ALG6: variants seen among roughly 807,000 people sequenced by gnomAD.
ALG6 encodes the protein dolichyl pyrophosphate Man9GlcNAc2 alpha-1,3-glucosyltransferase.
In ALG6, 46 loss-of-function variants were observed where a neutral mutation model predicts 66.6. The ratio of observed to expected loss-of-function variants is 0.69; its 90% CI spans 0.55 to 0.88. ALG6 has a LOEUF of 0.88. Among genes scored for constraint, ALG6 ranks in the 40% least tolerant of loss-of-function variants. ALG6 has a pLI of 0.00. For synonymous variants in ALG6, 185 were observed against 203.7 expected (o/e 0.91, Z 0.78); for missense variants, 505 against 586.8 (o/e 0.86, Z 1.44).
intron 12 of ALG6, among the ~76,000 whole-genome samples, chr1:63,422,409 A>C (rs185933948): frequency 1.3e-4 from 2 of 15,284 alleles, no homozygotes; most frequent in Non-Finnish European, 2.1e-4. Context: ...ATCTATATAA[A>C]TATAAATATA....
rs188912870 is a variant in ALG6, at chr1:63,433,053, C to G, written c.1327-3770C>G. ...AACCTCCTGGGTTTATGCAATTCTT[C>G]TGCCTCAGCCTCCTGAGTAGCTGGG... On this transcript the variant is annotated intron_variant, in intron 14 of 14. Transcript: ENST00000263440. The surrounding 1 kb of genome is among the most constrained non-coding windows in gnomAD (Gnocchi z 4.2). Among the ~76,000 whole-genome samples, 746 of 152,332 alleles carry G rather than the reference C, an allele frequency of 4.9e-3. 1 individual carries two copies. The highest frequency in any genetic ancestry group is 6.9e-3 in the Non-Finnish European group (469 of 68,032).
intron 12 of ALG6, among the ~76,000 whole-genome samples, chr1:63,422,329 A>G (rs1644587526): frequency 8.6e-6 from 1 of 115,634 alleles, no homozygotes; most frequent in South Asian, 2.3e-4. Context: ...ATGAATATAT[A>G]TCTATAGGAA....
chr1:63,370,473 A>G (rs1038329876), intron 1 of ALG6, among the ~76,000 whole-genome samples: 6 of 152,164 alleles, frequency 3.9e-5, no homozygotes, highest in African/African-American at 1.4e-4. Flanking sequence ...AATAGAATTG[A>G]CTGTGTCATT....
Position 63,436,915 on chromosome 1 carries a change from G to A in ALG6, c.1419G>A (p.Leu473=). The A allele has an allele frequency of 6.2e-7, 1 of 1,613,662 alleles. No homozygotes were observed. The highest frequency in any genetic ancestry group is 1.1e-5 in the South Asian group (1 of 91,072). Residue 473 remains leucine (L), a synonymous_variant, in exon 15 of 15, where the codon TTG becomes TTA. Coordinates refer to ENST00000263440, the MANE Select transcript of ALG6 (RefSeq NM_013339.4). ...PQKLPDLFSV[L]VCFVSCLNFL... ...AACTACCGGACTTGTTTTCTGTATT[G>A]GTGTGTTTTGTATCTTGCTTGAACT...
At chr1:63,406,956 T>C in intron 6 of ALG6, 106 bp from the exon 7 acceptor site, 1 of 828,620 alleles carries the variant, frequency 1.2e-6, no homozygotes, top group Non-Finnish European at 2.1e-6. Context: ...GTGACACCTC[T>C]GGAAAAGGGG....
chr1:63,373,132 A>G (rs941082597), intron 2 of ALG6, among the ~76,000 whole-genome samples: 5 of 151,704 alleles, frequency 3.3e-5, no homozygotes, highest in Non-Finnish European at 7.4e-5. Flanking sequence ...TCAGCCTACC[A>G]AGTAGCTGGA....
chr1:63,423,498 C>G (rs368183881), intron 12 of ALG6, among the ~76,000 whole-genome samples: 46 of 152,300 alleles, frequency 3.0e-4, no homozygotes, highest in African/African-American at 1.0e-3. Context: ...ATACCCAAAG[C>G]AGTCCCTCTC....
intron 8 of ALG6, 139 bp downstream of exon 8, chr1:63,411,470 G>A (rs1461447870): frequency 2.7e-6 from 2 of 748,064 alleles, no homozygotes; most frequent in Non-Finnish European, 4.3e-6. Flanking sequence ...TATGTGGGAA[G>A]AGAGAGATTA....
intron 3 of ALG6, among the ~76,000 whole-genome samples, chr1:63,397,302 C>G (rs890740557): frequency 1.3e-5 from 2 of 152,056 alleles, no homozygotes; most frequent in Non-Finnish European, 1.5e-5. Flanking sequence ...TCTCCTGCCT[C>G]AGCCTCCCAA....
intron 3 of ALG6, among the ~76,000 whole-genome samples, chr1:63,397,542 A>T (rs1381445679): frequency 1.8e-5 from 2 of 113,018 alleles, no homozygotes; most frequent in African/African-American, 7.6e-5. Context: ...ATTATGAAGG[A>T]GGAGGTCAGC....
At chr1:63,369,009 C>A (rs1647821949) in intron 1 of ALG6, among the ~76,000 whole-genome samples, 1 of 152,128 alleles carries the variant, frequency 6.6e-6, no homozygotes, top group African/African-American at 2.4e-5. Flanking sequence ...AACCTCTTTC[C>A]TGATTTTTAA....
chr1:63,388,426 T>C (rs1648571488), intron 2 of ALG6, among the ~76,000 whole-genome samples: 1 of 152,202 alleles, frequency 6.6e-6, no homozygotes, highest in Admixed American at 6.5e-5. Flanking sequence ...AATGATTACT[T>C]AATACTGATT....
chr1:63,403,072 G>A (rs1236112839), intron 4 of ALG6, among the ~76,000 whole-genome samples: 5 of 134,814 alleles, frequency 3.7e-5, no homozygotes, highest in Non-Finnish European at 6.2e-5. Context: ...TCCATCCTGG[G>A]CAACAGAGTG....
chr1:63,415,458 C>CT (rs1336595272), intron 10 of ALG6, among the ~76,000 whole-genome samples: 1 of 152,104 alleles, frequency 6.6e-6, no homozygotes, highest in African/African-American at 2.4e-5. Flanking sequence ...GAAATGAGGG[C>CT]TAGAGAGACT....
intron 1 of ALG6, among the ~76,000 whole-genome samples, chr1:63,367,914 G>C (rs1647778944): frequency 6.6e-6 from 1 of 152,190 alleles, no homozygotes; most frequent in Non-Finnish European, 1.5e-5. Context: ...GGGCGGTCCT[G>C]GCACCCTTGT....
chr1:63,412,637 T>C (rs1164413528), intron 9 of ALG6, among the ~76,000 whole-genome samples: 1 of 152,168 alleles, frequency 6.6e-6, no homozygotes, highest in Non-Finnish European at 1.5e-5. Context: ...TAATTTCTTA[T>C]GAGATATATA....
intron 1 of ALG6, among the ~76,000 whole-genome samples, chr1:63,369,822 A>AT (rs200108095): frequency 0.014 from 2,122 of 150,402 alleles, 125 homozygotes; most frequent in Admixed American, 0.12. Context: ...TTTGCTTTTT[A>AT]TTTTTTTTTG....
intron 2 of ALG6, among the ~76,000 whole-genome samples, chr1:63,386,713 A>G (rs1648513255): frequency 6.6e-6 from 1 of 151,778 alleles, no homozygotes; most frequent in Non-Finnish European, 1.5e-5. Context: ...TTTTTTTCCT[A>G]GTCTGGCTAA....
At chr1:63,430,518 A>G (rs891710727) in intron 14 of ALG6, among the ~76,000 whole-genome samples, 1 of 152,218 alleles carries the variant, frequency 6.6e-6, no homozygotes, top group Non-Finnish European at 1.5e-5. Context: ...ATTCTCACCA[A>G]CAATGTGTGA....
Sources: allele counts gnomAD v4.1 joint callset (sites outside exome capture counted in the v4.1 genomes callset), GRCh38; gene constraint gnomAD v4.1.1; non-coding constraint Gnocchi (gnomAD v3.1); transcripts MANE v1.5; gene names NCBI Gene and HGNC (gene_info 2026-07-23, HGNC 2026-07-21).